MYO9A: variants seen among roughly 807,000 people sequenced by gnomAD.
MYO9A encodes unconventional myosin-IXa.
In MYO9A, 103 loss-of-function variants were observed where a neutral mutation model predicts 293.3. The observed-to-expected ratio is 0.35, with a 90% CI of 0.30 to 0.41. The LOEUF (loss-of-function observed/expected upper bound fraction) is 0.41, where lower values mean the gene tolerates loss of function less well. Among genes scored for constraint, MYO9A ranks in the 10% least tolerant of loss-of-function variants. The pLI is 1.00. For missense variants in MYO9A, 2,685 were observed against 3,033.0 expected, an observed-to-expected ratio of 0.89 and a Z score of 2.69; for synonymous variants, 1,001 against 1,035.7, an observed-to-expected ratio of 0.97 and a Z score of 0.64.
chr15:71,936,454 A>C (rs2058646026), intron 16 of MYO9A, among the ~76,000 whole-genome samples: 1 of 152,122 alleles, frequency 6.6e-6, no homozygotes, highest in South Asian at 2.1e-4. Context: ...TGTATACCTG[A>C]AAACAGCTAG....
At chr15:72,108,057 C>T (rs888167217) in intron 1 of MYO9A, among the ~76,000 whole-genome samples, 6 of 152,022 alleles carry the variant, frequency 3.9e-5, no homozygotes, top group Non-Finnish European at 8.8e-5. Flanking sequence ...CGCCATTTTG[C>T]AATCCTTAAT....
rs1258765970 is a variant in MYO9A, at chr15:72,094,288, A to G, written c.-72+23392T>C. 4.4e-5 allele frequency among the ~76,000 whole-genome samples: 4 copies of G among 91,336 alleles called. 2 individuals are homozygous for G. Among genetic ancestry groups the G allele is most frequent in the Non-Finnish European group, 1.3e-4 (4 of 30,186 alleles). 59.9% of individuals were successfully genotyped at this position (91,336 alleles called of 152,430 possible). A position where few individuals can be genotyped will look rare whatever the true frequency, so the allele number is the denominator to read the frequency against. ...GGAGGAGGAATAAAAGAAAAAATAC[A>G]TAAGAGTAAGAAAATCTAACATATA... On this transcript the variant is annotated intron_variant, in intron 1 of 41. Coordinates refer to ENST00000356056, the MANE Select transcript of MYO9A (RefSeq NM_006901.4).
chr15:72,057,702 C>T (rs760375248), intron 1 of MYO9A, among the ~76,000 whole-genome samples: 35 of 152,218 alleles, frequency 2.3e-4, no homozygotes, highest in Non-Finnish European at 3.8e-4. Context: ...AGATCTAAAC[C>T]TACAGCTGCT....
chr15:72,076,525 T>C (rs2079357579), intron 1 of MYO9A, among the ~76,000 whole-genome samples: 1 of 152,084 alleles, frequency 6.6e-6, no homozygotes, highest in Non-Finnish European at 1.5e-5. Context: ...AACAAACACT[T>C]AGCAATAAAA....
At position 72,104,955 on chromosome 15, in the gene MYO9A, A is replaced by G. The variant is rs149739378; in HGVS notation, c.-72+12725T>C. ...ATGTATCCTTACATGAAAACATTCA[A>G]GACATGGGCTTTTTTTTAGTTCTAA... On this transcript the variant is annotated intron_variant, in intron 1 of 41. Transcript: ENST00000356056. 3.9e-5 allele frequency among the ~76,000 whole-genome samples: 6 copies of G among 152,350 alleles called. No individual in the cohort carries two copies. In the East Asian group the frequency reaches 1.2e-3, roughly 29 times the overall value.
At chr15:72,012,125 A>G (rs1301151938) in intron 6 of MYO9A, among the ~76,000 whole-genome samples, 1 of 152,186 alleles carries the variant, frequency 6.6e-6, no homozygotes, top group Non-Finnish European at 1.5e-5. Flanking sequence ...AAATGCTGTT[A>G]CCAATATTTT....
At chr15:71,861,678 AT>A (rs1423815921) in intron 33 of MYO9A, among the ~76,000 whole-genome samples, 1,542 of 124,204 alleles carry the variant, frequency 0.012, 16 homozygotes, top group Non-Finnish European at 0.019. Flanking sequence ...CACTGATGAT[AT>A]AAAAAAAAAA....
At chr15:71,918,475 T>C (rs1303585104) in intron 18 of MYO9A, among the ~76,000 whole-genome samples, 2 of 152,044 alleles carry the variant, frequency 1.3e-5, no homozygotes, top group Non-Finnish European at 2.9e-5. Context: ...CATGGGAAAA[T>C]ATTTGTAAGC....
At chr15:71,867,091 C>A in intron 32 of MYO9A, among the ~76,000 whole-genome samples, 1 of 151,584 alleles carries the variant, frequency 6.6e-6, no homozygotes. Context: ...CACACACACA[C>A]ACACACACAC....
At chr15:71,903,870 A>G in intron 21 of MYO9A, 59 bp downstream of exon 21, 1 of 1,370,906 alleles carries the variant, frequency 7.3e-7, no homozygotes, top group South Asian at 1.2e-5. Flanking sequence ...TAAGCAAGAT[A>G]TGTGGGAATC....
chr15:72,107,930 A>G (rs2080633414), intron 1 of MYO9A, among the ~76,000 whole-genome samples: 1 of 152,202 alleles, frequency 6.6e-6, no homozygotes, highest in Admixed American at 6.5e-5. Context: ...AAAATTAAGC[A>G]TTTACTGTTC....
At chr15:71,924,335 A>G (rs555523629) in intron 18 of MYO9A, among the ~76,000 whole-genome samples, 2 of 151,968 alleles carry the variant, frequency 1.3e-5, no homozygotes, top group African/African-American at 4.8e-5. Context: ...TCCACCTCCC[A>G]GGTTCAAGCC....
chr15:71,935,903 TAC>T (rs66924608), intron 16 of MYO9A, among the ~76,000 whole-genome samples: 8,451 of 148,026 alleles, frequency 0.057, 358 homozygotes, highest in East Asian at 0.16. Flanking sequence ...AGGTCTTATT[TAC>T]ACACACACAC....
chr15:71,830,611 C>T (rs1219693717), intron 39 of MYO9A, among the ~76,000 whole-genome samples: 1 of 152,074 alleles, frequency 6.6e-6, no homozygotes, highest in Non-Finnish European at 1.5e-5. Context: ...ACAAAATAGC[C>T]ACATCTGGGT....
chr15:72,007,828 C>G lies in MYO9A; in HGVS notation c.1378G>C (p.Glu460Gln). 6 of 1,607,770 alleles carry G rather than the reference C, an allele frequency of 3.7e-6. No individual in the cohort carries two copies. Among genetic ancestry groups the G allele is most frequent in the Non-Finnish European group, 5.1e-6 (6 of 1,178,284 alleles). The change falls in exon 8 of 42, where the codon GAG becomes CAG. Residue 460 changes from glutamate to glutamine, a missense_variant and splice_region_variant. Glu to Gln is a conservative substitution (Grantham distance 29). Around this residue, in one of 10 missense-constraint regions of MYO9A, gnomAD observed 289 missense variants for 456.8 expected, o/e 0.63. Coordinates refer to ENST00000356056, the MANE Select transcript of MYO9A (RefSeq NM_006901.4). The part of the protein sequence containing the change: ...EVLPIVSELL[E>Q]VKEEMLFEAL... ...CAACTGAAAATGTAATCACTCACCT[C>G]TAATAATTCTGAGACAATAGGCAGA...
chr15:71,827,029 G>C lies in MYO9A; in HGVS notation c.7198C>G (p.Leu2400Val). The C allele has an allele frequency of 6.4e-7, 1 of 1,574,092 alleles. No homozygotes were observed. Among genetic ancestry groups the C allele is most frequent in the Non-Finnish European group, 8.6e-7 (1 of 1,165,520 alleles). Residue 2400 changes from leucine to valine, a missense_variant, in exon 42 of 42, where the codon CTT becomes GTT. Physicochemically the swap from Leu to Val is conservative, Grantham distance 32. Around this residue, in one of 10 missense-constraint regions of MYO9A, gnomAD observed 350 missense variants for 328.9 expected, o/e 1.06. Coordinates refer to ENST00000356056, the MANE Select transcript of MYO9A (RefSeq NM_006901.4). The part of the protein sequence containing the change: ...ISEKSERSLA[L>V]SSLKTAGKSE... ...TTGCCAGCTGTCTTCAGGGAGCTAA[G>C]GGCTAAGCTTCTTTCTAATGCAAAA...
chr15:71,851,400 C>CT, intron 36 of MYO9A, 42 bp from the exon 37 acceptor site: 1 of 1,477,268 alleles, frequency 6.8e-7, no homozygotes, highest in Non-Finnish European at 9.4e-7. Context: ...AATATCCCCC[C>CT]TTATACAGTG....
intron 32 of MYO9A, among the ~76,000 whole-genome samples, chr15:71,866,480 C>T (rs569055074): frequency 1.3e-5 from 2 of 151,748 alleles, no homozygotes; most frequent in Admixed American, 1.3e-4. Flanking sequence ...GTCTGGGCAA[C>T]AGACCCCATC....
intron 15 of MYO9A, among the ~76,000 whole-genome samples, chr15:71,947,419 T>C (rs1197334990): frequency 6.6e-6 from 1 of 152,222 alleles, no homozygotes; most frequent in Admixed American, 6.5e-5. Context: ...TTTAAGAATT[T>C]AAAGCTGTAA....
Sources: gnomAD v4.1 joint callset for allele counts (sites outside exome capture counted in the v4.1 genomes callset) on GRCh38, gnomAD v4.1.1 for gene constraint, gnomAD v4.1.1 regional missense constraint, MANE v1.5 for transcripts, NCBI Gene and HGNC (gene_info 2026-07-23, HGNC 2026-07-21) for gene names.